LDLRAD3: variants seen among roughly 807,000 people sequenced by gnomAD.
The protein encoded by LDLRAD3 is low density lipoprotein receptor class A domain containing 3, also known as low-density lipoprotein receptor class A domain-containing protein 3.
In LDLRAD3, 20 loss-of-function variants were observed where a neutral mutation model predicts 29.4. The ratio of observed to expected loss-of-function variants is 0.68; its 90% confidence interval spans 0.48 to 0.99. The LOEUF (loss-of-function observed/expected upper bound fraction) is 0.99, where lower values mean the gene tolerates loss of function less well. LDLRAD3 is among the 50% of genes least tolerant of loss of function. The pLI is 0.00. For synonymous variants in LDLRAD3, 157 were observed against 192.7 expected, an observed-to-expected ratio of 0.81 and a Z score of 1.53; for missense variants, 420 against 454.3, an observed-to-expected ratio of 0.92 and a Z score of 0.69.
intron 2 of LDLRAD3, among the ~76,000 whole-genome samples, chr11:36,042,382 T>C (rs748016075): frequency 1.3e-5 from 2 of 152,138 alleles, no homozygotes; most frequent in Non-Finnish European, 2.9e-5. Flanking sequence ...GAAGCTTTCA[T>C]AGGATGGATA....
chr11:36,178,280 TTTC>T, intron 4 of LDLRAD3, among the ~76,000 whole-genome samples: 1 of 151,952 alleles, frequency 6.6e-6, no homozygotes, highest in African/African-American at 2.4e-5. Context: ...CCAGTGAGAG[TTTC>T]TTCAACCTCC....
intron 4 of LDLRAD3, chr11:36,110,229 A>G (rs950047783): frequency 1.8e-4 from 27 of 152,230 alleles, no homozygotes; most frequent in African/African-American, 6.3e-4. Context: ...GTACTCAAAG[A>G]CAGTAGTTGC....
rs542809598 is a variant in LDLRAD3 at position 36,162,639 on chromosome 11, C to G, written c.454+64178C>G. ...ACATTGCATGAAGAATGAAGCAGAG[C>G]CTTAGCCGTGAGCTTCTCAGACTGG... is the stretch of plus-strand genomic sequence containing the variant. On this transcript the variant is annotated intron_variant, in intron 4 of 5. Coordinates refer to ENST00000315571, the MANE Select transcript of LDLRAD3 (RefSeq NM_174902.4). Among the ~76,000 whole-genome samples the G allele has an allele frequency of 2.6e-5, 4 of 152,282 alleles. No individual in the cohort carries two copies. The East Asian group carries it at 7.7e-4, about 29-fold the overall frequency.
At chr11:36,162,095 G>A (rs1431108925) in intron 4 of LDLRAD3, among the ~76,000 whole-genome samples, 1 of 152,164 alleles carries the variant, frequency 6.6e-6, no homozygotes, top group African/African-American at 2.4e-5. Context: ...AAGCAAAATT[G>A]GTGTATAAGC....
chr11:36,068,558 C>T (rs996840369), intron 2 of LDLRAD3, among the ~76,000 whole-genome samples: 13 of 152,238 alleles, frequency 8.5e-5, no homozygotes, highest in Non-Finnish European at 4.4e-5. Context: ...ACTCTGTCAC[C>T]CAGGCTGGAG....
chr11:35,997,517 CT>C, intron 1 of LDLRAD3: 1 of 362,066 alleles, frequency 2.8e-6, no homozygotes, highest in Non-Finnish European at 5.3e-6. Context: ...TCCTTAGACC[CT>C]TCCAGTCACC....
chr11:36,182,211 C>T lies in LDLRAD3; in HGVS notation c.455-44874C>T, dbSNP rs566171462. Reference sequence around the variant, plus strand: ...TTAAATAGGAGGTGACTCCGCATTCCTCTTGCTTGGAAATGATCCCCAGGA... The same window carrying T: ...TTAAATAGGAGGTGACTCCGCATTCTTCTTGCTTGGAAATGATCCCCAGGA... On this transcript the variant is annotated intron_variant, in intron 4 of 5. Coordinates refer to ENST00000315571, the MANE Select transcript of LDLRAD3 (RefSeq NM_174902.4). Among the ~76,000 whole-genome samples, 42 of 152,252 alleles carry T rather than the reference C, an allele frequency of 2.8e-4. 1 individual carries two copies. In the South Asian group the frequency reaches 5.4e-3, roughly 20 times the overall value.
intron 2 of LDLRAD3, among the ~76,000 whole-genome samples, chr11:36,039,090 C>T (rs1050859966): frequency 2.6e-5 from 4 of 151,460 alleles, no homozygotes; most frequent in Non-Finnish European, 5.9e-5. Flanking sequence ...TCGCCTCAGT[C>T]TCCCGAGTAG....
At chr11:36,066,990 T>C (rs192632017) in intron 2 of LDLRAD3, among the ~76,000 whole-genome samples, 7 of 152,266 alleles carry the variant, frequency 4.6e-5, no homozygotes, top group Admixed American at 2.6e-4. Flanking sequence ...ATGTCCCAGG[T>C]GTCCTAACTT....
chr11:35,949,680 C>T lies in LDLRAD3; in HGVS notation c.46+5536C>T, dbSNP rs1851106370. 2.0e-5 allele frequency among the ~76,000 whole-genome samples: 3 copies of T among 152,318 alleles called. No individual in the cohort carries two copies. In the South Asian group the frequency reaches 6.2e-4, roughly 32 times the overall value. ...TTATAACACTTCAGTTCCTTTAAGA[C>T]ACTTTTCCTTCCAGCTGTCGTTTTG... is the stretch of plus-strand genomic sequence containing the variant. On this transcript the variant is annotated intron_variant, in intron 1 of 5. Transcript: ENST00000315571.
chr11:35,946,288 A>G (rs1417041901), intron 1 of LDLRAD3, among the ~76,000 whole-genome samples: 1 of 152,202 alleles, frequency 6.6e-6, no homozygotes, highest in Non-Finnish European at 1.5e-5. Flanking sequence ...AGATTGTAAA[A>G]GCCAAGACTT....
chr11:36,153,924 C>T (rs1040670058), intron 4 of LDLRAD3, among the ~76,000 whole-genome samples: 1 of 152,068 alleles, frequency 6.6e-6, no homozygotes, highest in Non-Finnish European at 1.5e-5. Flanking sequence ...ACCACCTCTC[C>T]AACAGTTCAA....
chr11:36,084,151 C>G (rs1853161922), intron 3 of LDLRAD3, among the ~76,000 whole-genome samples: 1 of 152,150 alleles, frequency 6.6e-6, no homozygotes, highest in Non-Finnish European at 1.5e-5. Context: ...TCTCGAACTC[C>G]TGGGCTCAAA....
chr11:36,171,365 T>C (rs1272794086), intron 4 of LDLRAD3, among the ~76,000 whole-genome samples: 1 of 152,200 alleles, frequency 6.6e-6, no homozygotes, highest in East Asian at 1.9e-4. Context: ...ATGAAGTCTT[T>C]GCCTAAGCCC....
chr11:36,181,255 A>AT (rs1276007394), intron 4 of LDLRAD3, among the ~76,000 whole-genome samples: 1 of 151,054 alleles, frequency 6.6e-6, no homozygotes, highest in Non-Finnish European at 1.5e-5. Flanking sequence ...AAATCTAAGA[A>AT]TTACAGGACT....
chr11:36,010,730 G>A (rs1851944667), intron 1 of LDLRAD3, among the ~76,000 whole-genome samples: 1 of 152,156 alleles, frequency 6.6e-6, no homozygotes, highest in Non-Finnish European at 1.5e-5. Flanking sequence ...TACCCAACCT[G>A]CAAAGCAGCC....
intron 4 of LDLRAD3, among the ~76,000 whole-genome samples, chr11:36,210,428 A>C (rs2133381168): frequency 6.6e-6 from 1 of 152,316 alleles, no homozygotes; most frequent in East Asian, 1.9e-4. Context: ...AGGTGTTTCG[A>C]GGGCTTTCAA....
intron 4 of LDLRAD3, among the ~76,000 whole-genome samples, chr11:36,131,158 A>G (rs1044762301): frequency 6.6e-6 from 1 of 152,238 alleles, no homozygotes; most frequent in South Asian, 2.1e-4. Context: ...TGTAAGGCTC[A>G]TGCCTTGAGA....
chr11:36,222,873 A>G (rs1444603046), intron 4 of LDLRAD3, among the ~76,000 whole-genome samples: 1 of 152,186 alleles, frequency 6.6e-6, no homozygotes, highest in Non-Finnish European at 1.5e-5. Context: ...GTCTTGATAG[A>G]ACAGCAGTTT....
Sources: gnomAD v4.1 joint callset for allele counts (sites outside exome capture counted in the v4.1 genomes callset) on GRCh38, gnomAD v4.1.1 for gene constraint, MANE v1.5 for transcripts, NCBI Gene and HGNC (gene_info 2026-07-23, HGNC 2026-07-21) for gene names.